PTPRK: variants seen among roughly 807,000 people sequenced by gnomAD.
PTPRK encodes the protein receptor-type tyrosine-protein phosphatase kappa.
A neutral mutation model predicts 178.0 loss-of-function variants in PTPRK; 75 were observed. The ratio of observed to expected loss-of-function variants is 0.42; its 90% CI spans 0.35 to 0.51. The LOEUF (loss-of-function observed/expected upper bound fraction) is 0.51. Among genes scored for constraint, PTPRK ranks in the 20% least tolerant of loss-of-function variants. The pLI, the probability that PTPRK is intolerant of heterozygous loss-of-function variation, is 0.02. For missense variants in PTPRK, 1,441 were observed against 1,797.8 expected, an observed-to-expected ratio of 0.80 and a Z score of 3.59; for synonymous variants, 637 against 620.6, an observed-to-expected ratio of 1.03 and a Z score of -0.39.
chr6:128,145,267 GAC>G (rs1796317740), intron 7 of PTPRK, among the ~76,000 whole-genome samples: 2 of 151,534 alleles, frequency 1.3e-5, no homozygotes, highest in South Asian at 4.2e-4. Flanking sequence ...CACACACACA[GAC>G]ACACACGTAA....
At chr6:128,005,353 T>G in intron 14 of PTPRK, 109 bp from the exon 15 acceptor site, 1 of 1,045,466 alleles carries the variant, frequency 9.6e-7, no homozygotes, top group Non-Finnish European at 1.4e-6. Flanking sequence ...ACAAACATGG[T>G]TTAGAAACCC....
intron 2 of PTPRK, among the ~76,000 whole-genome samples, chr6:128,325,621 T>C (rs575246104): frequency 5.6e-4 from 85 of 152,286 alleles, no homozygotes; most frequent in Non-Finnish European, 8.2e-4. Context: ...CACAATGAGA[T>C]ACCATCTCAC....
chr6:128,496,154 C>CCA (rs2128433725), intron 1 of PTPRK, among the ~76,000 whole-genome samples: 1 of 150,190 alleles, frequency 6.7e-6, no homozygotes, highest in East Asian at 1.9e-4. Flanking sequence ...CTAAAGCATG[C>CCA]CACAGTGAAG....
At chr6:128,321,438 T>C (rs916471660) in intron 3 of PTPRK, 14 of 230,722 alleles carry the variant, frequency 6.1e-5, no homozygotes, top group African/African-American at 2.8e-4. Context: ...TAATCATAAT[T>C]CAATGAATCA....
intron 3 of PTPRK, among the ~76,000 whole-genome samples, chr6:128,298,238 T>C (rs1328960087): frequency 9.2e-5 from 14 of 151,972 alleles, no homozygotes; most frequent in Non-Finnish European, 1.5e-5. Context: ...CAATAATCAA[T>C]AGCTTACCAA....
chr6:128,019,846 G>A lies in PTPRK; in HGVS notation c.2195-10578C>T, dbSNP rs185652556. ...GTGGAGTGCCTTGGTGACTGTGTTA[G>A]ATTTGGAGCTGAGAGAAGACCTTTC... On this transcript the variant is annotated intron_variant, in intron 13 of 29. Transcript: ENST00000368226. 4.1e-3 allele frequency among the ~76,000 whole-genome samples: 628 copies of A among 152,238 alleles called. 4 individuals are homozygous for A. Among genetic ancestry groups the A allele is most frequent in the African/African-American group, 0.014 (587 of 41,552 alleles).
chr6:128,469,478 C>A (rs905384344), intron 1 of PTPRK, among the ~76,000 whole-genome samples: 8 of 152,108 alleles, frequency 5.3e-5, no homozygotes, highest in African/African-American at 1.9e-4. Context: ...TATTCTAGCA[C>A]AAGTGTTGAG....
intron 2 of PTPRK, among the ~76,000 whole-genome samples, chr6:128,331,152 T>C (rs961644910): frequency 6.6e-6 from 1 of 152,234 alleles, no homozygotes; most frequent in Non-Finnish European, 1.5e-5. Context: ...TGGGATTTCA[T>C]GTATGTTGTT....
chr6:128,203,732 T>A (rs1479847956), intron 6 of PTPRK, among the ~76,000 whole-genome samples: 1 of 152,210 alleles, frequency 6.6e-6, no homozygotes, highest in East Asian at 1.9e-4. Flanking sequence ...GTGGAAGACC[T>A]CTTCAAGGAA....
At chr6:128,210,707 T>C (rs917348031) in intron 6 of PTPRK, among the ~76,000 whole-genome samples, 18 of 151,990 alleles carry the variant, frequency 1.2e-4, no homozygotes, top group African/African-American at 3.9e-4. Flanking sequence ...TGATTTTTTT[T>C]CCCCCTTAAT....
chr6:128,461,669 TAGTC>T lies in PTPRK; in HGVS notation c.100+58586_100+58589del, dbSNP rs139627637. 2.7e-3 allele frequency among the ~76,000 whole-genome samples: 418 copies of T among 152,304 alleles called. 3 individuals are homozygous for T. The highest frequency in any genetic ancestry group is 9.8e-3 in the African/African-American group (408 of 41,578). ...ACGTACAATTCAGAGGCTTTTAACGTAGTCAGAGTTGTGCAACAATCACCACTCT... is the reference window on the plus strand; with the variant it reads ...ACGTACAATTCAGAGGCTTTTAACGTAGAGTTGTGCAACAATCACCACTCT... On this transcript the variant is annotated intron_variant, in intron 1 of 29. Transcript: ENST00000368226.
chr6:128,308,815 C>A (rs1826818373), intron 3 of PTPRK, among the ~76,000 whole-genome samples: 1 of 151,604 alleles, frequency 6.6e-6, no homozygotes, highest in Non-Finnish European at 1.5e-5. Flanking sequence ...TACATCAATT[C>A]TTCTTAAGTT....
At chr6:128,061,086 G>A (rs960137740) in intron 13 of PTPRK, among the ~76,000 whole-genome samples, 4 of 152,050 alleles carry the variant, frequency 2.6e-5, no homozygotes, top group African/African-American at 9.7e-5. Flanking sequence ...TATTAAATCA[G>A]AGCTTCAAAT....
At chr6:128,346,763 G>A (rs1256572826) in intron 2 of PTPRK, among the ~76,000 whole-genome samples, 1 of 152,042 alleles carries the variant, frequency 6.6e-6, no homozygotes, top group African/African-American at 2.4e-5. Context: ...GTCAAACAGA[G>A]ATAATACAGC....
intron 12 of PTPRK, 28 bp downstream of exon 12, chr6:128,067,491 G>T (rs1267431117): frequency 6.8e-7 from 1 of 1,467,622 alleles, no homozygotes; most frequent in Non-Finnish European, 9.1e-7. Flanking sequence ...TCAAAGCAGG[G>T]AAAAAGCAAA....
intron 7 of PTPRK, among the ~76,000 whole-genome samples, chr6:128,133,555 T>C (rs1289454649): frequency 6.6e-6 from 1 of 152,218 alleles, no homozygotes; most frequent in Non-Finnish European, 1.5e-5. Context: ...TTAAATTTTT[T>C]GGAAGATAAG....
intron 3 of PTPRK, among the ~76,000 whole-genome samples, chr6:128,254,534 T>A (rs1016005532): frequency 6.6e-6 from 1 of 152,164 alleles, no homozygotes; most frequent in African/African-American, 2.4e-5. Flanking sequence ...TTAAAACATA[T>A]ATTTAAAATG....
intron 14 of PTPRK, among the ~76,000 whole-genome samples, chr6:128,005,838 C>T (rs1472066646): frequency 6.7e-6 from 1 of 148,990 alleles, no homozygotes; most frequent in Non-Finnish European, 1.5e-5. Flanking sequence ...GCTGGACATA[C>T]AGAAATACAA....
At chr6:128,309,267 G>A (rs891515662) in intron 3 of PTPRK, among the ~76,000 whole-genome samples, 5 of 152,056 alleles carry the variant, frequency 3.3e-5, no homozygotes, top group African/African-American at 9.7e-5. Context: ...CTTAACCCCT[G>A]GTGCAAGGAC....
Sources: gnomAD v4.1 joint callset for allele counts (sites outside exome capture counted in the v4.1 genomes callset) on GRCh38, gnomAD v4.1.1 for gene constraint, MANE v1.5 for transcripts, NCBI Gene and HGNC (gene_info 2026-07-23, HGNC 2026-07-21) for gene names.